ARHGAP26: variants seen among roughly 807,000 people sequenced by gnomAD.
The protein encoded by ARHGAP26 is rho GTPase-activating protein 26.
ARHGAP26 carries 38 observed loss-of-function variants against 104.8 expected under a neutral mutation model. The observed-to-expected ratio is 0.36, with a 90% confidence interval of 0.28 to 0.48. The LOEUF (loss-of-function observed/expected upper bound fraction) is 0.48, where lower values mean the gene tolerates loss of function less well. Among genes scored for constraint, ARHGAP26 ranks in the 20% least tolerant of loss-of-function variants. The probability of loss-of-function intolerance (pLI) is 0.99; values close to 1 mark genes in which losing one functional copy is unlikely to be tolerated. For missense variants in ARHGAP26, 704 were observed against 947.9 expected (o/e 0.74, Z 3.38); for synonymous variants, 341 against 340.0 (o/e 1.00, Z -0.03).
chr5:142,907,603 G>T, intron 8 of ARHGAP26, 101 bp from the exon 9 acceptor site: 5 of 565,392 alleles, frequency 8.8e-6, no homozygotes, highest in Non-Finnish European at 1.5e-5. Context: ...TAAGGGTAGG[G>T]TAGATGAGCA....
At chr5:142,953,133 G>A (rs535726784) in intron 11 of ARHGAP26, among the ~76,000 whole-genome samples, 50 of 152,206 alleles carry the variant, frequency 3.3e-4, no homozygotes, top group Admixed American at 1.8e-3. Flanking sequence ...CAAAATGAAC[G>A]CCCACACCAA....
intron 1 of ARHGAP26, among the ~76,000 whole-genome samples, chr5:142,799,591 A>T (rs1761655869): frequency 6.6e-6 from 1 of 152,198 alleles, no homozygotes; most frequent in African/African-American, 2.4e-5. Flanking sequence ...AGATTGGGTA[A>T]CTTATAACCA....
chr5:143,201,551 T>C (rs2151314885), intron 20 of ARHGAP26, among the ~76,000 whole-genome samples: 1 of 152,286 alleles, frequency 6.6e-6, no homozygotes, highest in East Asian at 1.9e-4. Context: ...TGTATTTATT[T>C]TTGTCTGCCG....
At chr5:142,844,587 G>A (rs1315011979) in intron 1 of ARHGAP26, among the ~76,000 whole-genome samples, 1 of 151,960 alleles carries the variant, frequency 6.6e-6, no homozygotes, top group Non-Finnish European at 1.5e-5. Context: ...CTTTTAGGCT[G>A]GGCGTAGTGG....
chr5:143,187,236 A>G (rs927472935), intron 20 of ARHGAP26, among the ~76,000 whole-genome samples: 3 of 152,208 alleles, frequency 2.0e-5, no homozygotes, highest in Non-Finnish European at 4.4e-5. Context: ...AGGCTATCTG[A>G]CCCTAAACTC....
chr5:143,072,323 C>G (rs1014153030), intron 17 of ARHGAP26, among the ~76,000 whole-genome samples: 1 of 152,160 alleles, frequency 6.6e-6, no homozygotes, highest in African/African-American at 2.4e-5. Context: ...TTCCATAGTA[C>G]AGCCACTGTG....
intron 1 of ARHGAP26, among the ~76,000 whole-genome samples, chr5:142,830,579 T>C (rs1386149064): frequency 1.3e-5 from 2 of 152,222 alleles, no homozygotes; most frequent in African/African-American, 2.4e-5. Context: ...TTAATTAATA[T>C]AGCTGTGCAG....
At chr5:143,093,053 T>C (rs1249401715) in intron 17 of ARHGAP26, among the ~76,000 whole-genome samples, 7 of 152,174 alleles carry the variant, frequency 4.6e-5, no homozygotes, top group Non-Finnish European at 1.0e-4. Context: ...ACCTGCTGGG[T>C]TAAGGGAATT....
chr5:142,882,344 T>C (rs1439455357), intron 4 of ARHGAP26, among the ~76,000 whole-genome samples: 2 of 152,206 alleles, frequency 1.3e-5, no homozygotes, highest in Non-Finnish European at 2.9e-5. Flanking sequence ...TACCTGAACA[T>C]GAGAACAAGG....
At chr5:142,965,882 T>C (rs1428717669) in intron 11 of ARHGAP26, among the ~76,000 whole-genome samples, 2 of 152,180 alleles carry the variant, frequency 1.3e-5, no homozygotes, top group Non-Finnish European at 2.9e-5. Context: ...AGGGGAGTTT[T>C]TGAAAGTCAT....
chr5:143,000,967 C>T (rs1317258971), intron 11 of ARHGAP26, among the ~76,000 whole-genome samples: 2 of 151,828 alleles, frequency 1.3e-5, no homozygotes, highest in African/African-American at 4.8e-5. Context: ...ATAGGTGCAG[C>T]AAACTAACAT....
intron 17 of ARHGAP26, among the ~76,000 whole-genome samples, chr5:143,109,919 T>G (rs1480290348): frequency 6.6e-6 from 1 of 152,194 alleles, no homozygotes; most frequent in Admixed American, 6.5e-5. Context: ...CCTGCAAAGT[T>G]TTCCAGGATT....
At chr5:142,796,638 TA>T (rs1761037628) in intron 1 of ARHGAP26, among the ~76,000 whole-genome samples, 1 of 152,360 alleles carries the variant, frequency 6.6e-6, no homozygotes, top group Middle Eastern at 3.4e-3. Flanking sequence ...CCTTTTAGGA[TA>T]AAGTTCAGAC....
At chr5:142,827,145 T>G (rs1767451944) in intron 1 of ARHGAP26, among the ~76,000 whole-genome samples, 2 of 152,186 alleles carry the variant, frequency 1.3e-5, no homozygotes, top group African/African-American at 4.8e-5. Flanking sequence ...CCTATTTTTT[T>G]TCTAATGAAA....
rs748355119 is a variant in ARHGAP26, at chr5:143,175,576, G to T, written c.1988+28195G>T. On this transcript the variant is annotated intron_variant, in intron 20 of 22. Coordinates refer to ENST00000645722, the MANE Select transcript of ARHGAP26 (RefSeq NM_001135608.3). ...AATGAAGAATGTTGGATACCAAAAT[G>T]TAAGAGATTTCTAATAAACAGCCCT... Among the ~76,000 whole-genome samples, 226 of 151,862 alleles carry T rather than the reference G, an allele frequency of 1.5e-3. 4 individuals are homozygous for T. Among genetic ancestry groups the T allele is most frequent in the Non-Finnish European group, 5.1e-4 (35 of 67,976 alleles).
intron 17 of ARHGAP26, among the ~76,000 whole-genome samples, chr5:143,084,977 G>A (rs1002939165): frequency 6.6e-6 from 1 of 150,444 alleles, no homozygotes; most frequent in Non-Finnish European, 1.5e-5. Flanking sequence ...CCAGGGAGAC[G>A]GAGGTTACAG....
At chr5:143,148,008 A>G (rs1443024360) in intron 20 of ARHGAP26, among the ~76,000 whole-genome samples, 1 of 152,216 alleles carries the variant, frequency 6.6e-6, no homozygotes. Context: ...CTACTCTGCT[A>G]GGATCAGAAA....
intron 10 of ARHGAP26, among the ~76,000 whole-genome samples, chr5:142,923,964 C>G (rs1350462548): frequency 6.7e-6 from 1 of 149,632 alleles, no homozygotes; most frequent in African/African-American, 2.5e-5. Flanking sequence ...CGGGTTCGTG[C>G]CGTTCTCCTG....
chr5:143,023,740 C>T (rs987720876), intron 12 of ARHGAP26, among the ~76,000 whole-genome samples: 8 of 152,266 alleles, frequency 5.3e-5, no homozygotes, highest in African/African-American at 1.4e-4. Context: ...GTGGCCTGGC[C>T]GCCTATGCAC....
Sources: allele counts gnomAD v4.1 joint callset (sites outside exome capture counted in the v4.1 genomes callset), GRCh38; gene constraint gnomAD v4.1.1; transcripts MANE v1.5; gene names NCBI Gene and HGNC (gene_info 2026-07-23, HGNC 2026-07-21).